Variants in FKBP9 observed in about 807,000 individuals in gnomAD.
The protein encoded by FKBP9 is FKBP prolyl isomerase 9, also known as peptidyl-prolyl cis-trans isomerase FKBP9.
FKBP9 carries 27 observed loss-of-function variants against 55.6 expected under a neutral mutation model. The observed-to-expected ratio is 0.49, with a 90% CI of 0.36 to 0.67. The LOEUF (loss-of-function observed/expected upper bound fraction) is 0.67. Ranked by LOEUF, FKBP9 falls within the 30% of genes least tolerant of loss-of-function variation. FKBP9 has a pLI of 0.00. For missense variants in FKBP9, 539 were observed against 742.8 expected, an observed-to-expected ratio of 0.73 and a Z score of 3.19; for synonymous variants, 267 against 296.5, an observed-to-expected ratio of 0.90 and a Z score of 1.02.
At chr7:32,987,057 C>T (rs895402631) in intron 5 of FKBP9, among the ~76,000 whole-genome samples, 1 of 152,196 alleles carries the variant, frequency 6.6e-6, no homozygotes, top group Admixed American at 6.5e-5. Flanking sequence ...GGACTTGGGG[C>T]TCCTGCCAGG....
chr7:32,979,670 T>C, intron 4 of FKBP9: 1 of 978,464 alleles, frequency 1.0e-6, no homozygotes, highest in Non-Finnish European at 1.6e-6. Flanking sequence ...ATGTTGATCT[T>C]TGCAGGAAGA....
Position 33,005,432 on chromosome 7 carries a change from G to T in FKBP9, c.*81G>T, listed in dbSNP as rs1785017899. ...GCAAGACGTGCAGTGAGGGTGCAAG[G>T]GTCTCTCAGAAGTTGCATCATTAGC... On this transcript the variant is annotated 3_prime_UTR_variant, in exon 10 of 10. Transcript: ENST00000242209. 5.3e-6 allele frequency: 8 copies of T among 1,513,384 alleles called. No homozygotes were observed. The South Asian group carries it at 8.6e-5, about 16-fold the overall frequency. The allele number at this position is 1,513,384 out of a possible 1,614,324, so 93.7% of individuals were successfully genotyped here. A position where few individuals can be genotyped will look rare whatever the true frequency, so the allele number is the denominator to read the frequency against.
intron 2 of FKBP9, chr7:32,974,974 C>T: frequency 1.6e-6 from 1 of 636,450 alleles, no homozygotes; most frequent in South Asian, 2.0e-5. Flanking sequence ...CTGAATGATA[C>T]CCTCAATGAG....
At chr7:32,967,268 G>A (rs1244429297) in intron 1 of FKBP9, among the ~76,000 whole-genome samples, 1 of 152,142 alleles carries the variant, frequency 6.6e-6, no homozygotes, top group African/African-American at 2.4e-5. Flanking sequence ...CATTGTAACT[G>A]TTTTGAACTG....
At chr7:32,989,941 C>A (rs1784649996) in intron 6 of FKBP9, among the ~76,000 whole-genome samples, 1 of 152,172 alleles carries the variant, frequency 6.6e-6, no homozygotes, top group South Asian at 2.1e-4. Context: ...CATCAGCCTC[C>A]TGAGTAGCTA....
chr7:32,989,168 A>G (rs1273710929), intron 6 of FKBP9: 2 of 152,172 alleles, frequency 1.3e-5, no homozygotes, highest in East Asian at 3.9e-4. Context: ...TAAGTGCAAA[A>G]GCCCCTCTTT....
intron 7 of FKBP9, among the ~76,000 whole-genome samples, chr7:32,997,218 C>T (rs2127988438): frequency 6.6e-6 from 1 of 152,252 alleles, no homozygotes; most frequent in African/African-American, 2.4e-5. Flanking sequence ...TGCAGGCACG[C>T]ACCACTATAC....
At chr7:32,971,357 T>G (rs1784249393) in intron 1 of FKBP9, among the ~76,000 whole-genome samples, 1 of 152,226 alleles carries the variant, frequency 6.6e-6, no homozygotes, top group Non-Finnish European at 1.5e-5. Context: ...GATTTTTTGG[T>G]TTTTAGCACT....
chr7:32,976,986 G>A (rs1209562789), intron 4 of FKBP9, among the ~76,000 whole-genome samples: 6 of 152,180 alleles, frequency 3.9e-5, no homozygotes, highest in Admixed American at 3.9e-4. Context: ...CAGATATCCA[G>A]GTAGAAATTT....
intron 1 of FKBP9, among the ~76,000 whole-genome samples, chr7:32,963,019 A>G (rs1784055045): frequency 6.6e-6 from 1 of 152,196 alleles, no homozygotes; most frequent in Non-Finnish European, 1.5e-5. Flanking sequence ...GTGCCTTGTG[A>G]GTATTATGCA....
intron 4 of FKBP9, chr7:32,979,598 T>C (rs1032951827): frequency 2.5e-5 from 38 of 1,521,192 alleles, no homozygotes; most frequent in Admixed American, 1.2e-4. Flanking sequence ...AACTGAGGGA[T>C]TGGTTTGTTG....
intron 1 of FKBP9, among the ~76,000 whole-genome samples, chr7:32,958,227 CA>C (rs1188225115): frequency 1.3e-5 from 2 of 152,180 alleles, no homozygotes; most frequent in African/African-American, 2.4e-5. Context: ...GTGCTTCTCA[CA>C]CAGAACAATG....
Position 32,980,493 on chromosome 7 carries a change from G to A in FKBP9, c.833G>A (p.Gly278Glu), listed in dbSNP as rs758534054. The A allele has an allele frequency of 5.0e-6, 8 of 1,613,648 alleles. No homozygotes were observed. In the South Asian group the frequency reaches 8.8e-5, roughly 18 times the overall value. ...PENCERISQSGDFLRYHYNGT... is the reference protein window; with the variant it reads ...PENCERISQSEDFLRYHYNGT... ...AACTGTGAGCGGATAAGTCAAAGTG[G>A]GGACTTTCTCAGGTATCATTACAAT... is the stretch of plus-strand genomic sequence containing the variant. The change falls in exon 5 of 10, where the codon GGG (glycine) becomes GAG (glutamate). Residue 278 changes from glycine to glutamate, a missense_variant. Around this residue, in one of 4 missense-constraint regions of FKBP9, gnomAD observed 172 missense variants for 205.3 expected, o/e 0.84. Transcript: ENST00000242209.
At chr7:32,997,297 C>T (rs912795615) in intron 7 of FKBP9, among the ~76,000 whole-genome samples, 5 of 152,298 alleles carry the variant, frequency 3.3e-5, no homozygotes, top group African/African-American at 1.2e-4. Flanking sequence ...GTCTCAAACT[C>T]CTGGGTTCAG....
At chr7:32,976,764 AT>A (rs1784370496) in intron 4 of FKBP9, among the ~76,000 whole-genome samples, 1 of 152,150 alleles carries the variant, frequency 6.6e-6, no homozygotes, top group African/African-American at 2.4e-5. Flanking sequence ...GACCCAGATC[AT>A]TTCCATCACT....
At chr7:32,974,982 GAGA>G in intron 2 of FKBP9, 197 bp from the exon 3 acceptor site, 2 of 639,054 alleles carry the variant, frequency 3.1e-6, no homozygotes, top group Non-Finnish European at 2.7e-6. Context: ...TACCCTCAAT[GAGA>G]AGAAGACTGT....
At chr7:32,967,890 G>T (rs1335045051) in intron 1 of FKBP9, among the ~76,000 whole-genome samples, 1 of 151,994 alleles carries the variant, frequency 6.6e-6, no homozygotes, top group African/African-American at 2.4e-5. Context: ...GAGTAGCTGG[G>T]ATTACAGGCA....
intron 3 of FKBP9, among the ~76,000 whole-genome samples, chr7:32,975,863 T>C (rs1784354563): frequency 6.6e-6 from 1 of 152,090 alleles, no homozygotes; most frequent in Non-Finnish European, 1.5e-5. Flanking sequence ...AGCCAGGGTG[T>C]TCTCGATCTC....
rs1444599679 is a variant in FKBP9, at chr7:32,996,743, CTTTCT to C, written c.1226+398_1226+402del. 3.6e-4 allele frequency among the ~76,000 whole-genome samples: 8 copies of C among 21,944 alleles called. 1 individual carries two copies. The highest frequency in any genetic ancestry group is 1.6e-3 in the African/African-American group (8 of 5,018). 14.4% of individuals were successfully genotyped at this position (21,944 alleles called of 152,430 possible). A position where few individuals can be genotyped will look rare whatever the true frequency, so the allele number is the denominator to read the frequency against. On this transcript the variant is annotated intron_variant, in intron 7 of 9. Transcript: ENST00000242209. ...CTTTTTTTCCTTCCTTCCTTCCTTT[CTTTCT>C]TTTTTTTTTTTTTTTGATAAAGTCT...
Sources: allele counts gnomAD v4.1 joint callset (sites outside exome capture counted in the v4.1 genomes callset), GRCh38; gene constraint gnomAD v4.1.1; regional missense constraint gnomAD v4.1.1; transcripts MANE v1.5; gene names NCBI Gene and HGNC (gene_info 2026-07-23, HGNC 2026-07-21).